HSD17B12: variants seen among roughly 807,000 people sequenced by gnomAD.
The protein encoded by HSD17B12 is very-long-chain 3-oxoacyl-CoA reductase.
Under a neutral mutation model 39.3 loss-of-function variants are expected in HSD17B12, and 32 were observed. The observed-to-expected ratio is 0.81, with a 90% CI of 0.61 to 1.09. The LOEUF (loss-of-function observed/expected upper bound fraction) is 1.09. HSD17B12 is among the 50% of genes least tolerant of loss of function. The probability of loss-of-function intolerance (pLI) is 0.00; values close to 1 mark genes in which losing one functional copy is unlikely to be tolerated. For synonymous variants in HSD17B12, 150 were observed against 146.7 expected (o/e 1.02, Z -0.16); for missense variants, 342 against 382.9 (o/e 0.89, Z 0.89).
the HSD17B12 span, among the ~76,000 whole-genome samples, chr11:43,671,166 T>C: frequency 2.6e-5 from 4 of 152,136 alleles, no homozygotes; most frequent in African/African-American, 9.7e-5. Flanking sequence ...GGTTTTATTT[T>C]ATTTATTTAT....
At chr11:43,816,480 C>T in intron 6 of HSD17B12, 89 bp downstream of exon 6, 1 of 1,148,576 alleles carries the variant, frequency 8.7e-7, no homozygotes, top group Non-Finnish European at 1.2e-6. Flanking sequence ...CCTGAGTCTA[C>T]TCTTGTTTAG....
intron 1 of HSD17B12, among the ~76,000 whole-genome samples, chr11:43,698,688 TA>T (rs2072988734): frequency 6.6e-6 from 1 of 152,232 alleles, no homozygotes; most frequent in African/African-American, 2.4e-5. Flanking sequence ...TTGTCTAAGA[TA>T]TTAAGAGTCT....
the HSD17B12 span, among the ~76,000 whole-genome samples, chr11:43,627,706 T>C: frequency 6.6e-6 from 1 of 152,016 alleles, no homozygotes; most frequent in Non-Finnish European, 1.5e-5. Flanking sequence ...TTTTGCCTCT[T>C]ATAAAAAAAT....
At chr11:43,817,627 T>C (rs1951142969) in intron 6 of HSD17B12, among the ~76,000 whole-genome samples, 1 of 152,166 alleles carries the variant, frequency 6.6e-6, no homozygotes, top group South Asian at 2.1e-4. Context: ...TTTATGTTTT[T>C]GTTTGTTTTA....
chr11:43,703,415 C>T (rs1244194417), intron 1 of HSD17B12, among the ~76,000 whole-genome samples: 1 of 152,048 alleles, frequency 6.6e-6, no homozygotes, highest in Non-Finnish European at 1.5e-5. Flanking sequence ...GGGATGGTCT[C>T]GATCTCCCGA....
At chr11:43,782,049 T>C (rs1298852834) in intron 3 of HSD17B12, among the ~76,000 whole-genome samples, 1 of 152,214 alleles carries the variant, frequency 6.6e-6, no homozygotes, top group East Asian at 1.9e-4. Context: ...TTTGATACAC[T>C]TTCTGGGAAT....
At chr11:43,676,051 G>A (rs1949691451), upstream of HSD17B12, among the ~76,000 whole-genome samples, 1 of 152,100 alleles carries the variant, frequency 6.6e-6, no homozygotes, top group Admixed American at 6.5e-5. Flanking sequence ...GGCGGAGGTT[G>A]TAGTCAACTG....
At chr11:43,577,797 G>A in the HSD17B12 span, among the ~76,000 whole-genome samples, 7 of 152,346 alleles carry the variant, frequency 4.6e-5, no homozygotes, top group African/African-American at 1.4e-4. Flanking sequence ...CCAAGCTAGG[G>A]AACATCGCGG....
At chr11:43,572,772 C>T in the HSD17B12 span, among the ~76,000 whole-genome samples, 1 of 152,142 alleles carries the variant, frequency 6.6e-6, no homozygotes, top group African/African-American at 2.4e-5. Flanking sequence ...AGCTGAAAAA[C>T]TATTGGTTTC....
intron 1 of HSD17B12, among the ~76,000 whole-genome samples, chr11:43,731,186 G>A (rs1048434801): frequency 2.0e-5 from 3 of 152,040 alleles, no homozygotes; most frequent in East Asian, 1.9e-4. Context: ...TAGTTGAGAC[G>A]GGGTTTCACC....
intron 3 of HSD17B12, among the ~76,000 whole-genome samples, chr11:43,770,259 C>G (rs545863538): frequency 2.0e-5 from 3 of 152,202 alleles, no homozygotes; most frequent in African/African-American, 7.2e-5. Context: ...TGAAAATTTA[C>G]AGGATCTGTT....
intron 4 of HSD17B12, among the ~76,000 whole-genome samples, chr11:43,805,663 G>C (rs1273033079): frequency 6.6e-6 from 1 of 152,108 alleles, no homozygotes; most frequent in African/African-American, 2.4e-5. Flanking sequence ...AAAAGGGCAG[G>C]ATATAACTTT....
chr11:43,805,327 A>G (rs1005853370), intron 4 of HSD17B12, among the ~76,000 whole-genome samples: 19 of 152,112 alleles, frequency 1.2e-4, no homozygotes, highest in African/African-American at 4.6e-4. Flanking sequence ...TTCCTTGTCT[A>G]CTTCTTGCTG....
chr11:43,744,365 A>AT (rs1366596288), intron 1 of HSD17B12, among the ~76,000 whole-genome samples: 2 of 152,138 alleles, frequency 1.3e-5, no homozygotes, highest in East Asian at 3.9e-4. Flanking sequence ...ATAAAAAAAA[A>AT]AGCAGGTTAC....
intron 3 of HSD17B12, among the ~76,000 whole-genome samples, chr11:43,775,803 C>A (rs1950697207): frequency 1.3e-5 from 2 of 148,772 alleles, no homozygotes; most frequent in African/African-American, 5.0e-5. Context: ...GTTCCCCTTC[C>A]TGTGTCCATG....
intron 4 of HSD17B12, among the ~76,000 whole-genome samples, chr11:43,807,991 A>T (rs1951035015): frequency 6.6e-6 from 1 of 152,242 alleles, no homozygotes. Flanking sequence ...TTACAGAGTT[A>T]GACATCATCC....
At chr11:43,603,898 G>A in the HSD17B12 span, among the ~76,000 whole-genome samples, 11 of 152,134 alleles carry the variant, frequency 7.2e-5, no homozygotes, top group Non-Finnish European at 1.0e-4. Context: ...ATCCAAATTT[G>A]CTGCTTAAAA....
the HSD17B12 span, among the ~76,000 whole-genome samples, chr11:43,632,555 T>C: frequency 6.6e-6 from 1 of 152,196 alleles, no homozygotes; most frequent in Non-Finnish European, 1.5e-5. Flanking sequence ...CTTTAAAGGA[T>C]TTATTTAGAA....
At chr11:43,577,470 C>G in the HSD17B12 span, among the ~76,000 whole-genome samples, 2 of 152,140 alleles carry the variant, frequency 1.3e-5, no homozygotes. Context: ...CCTGCAGAGG[C>G]CAGGCACTAT....
Sources: gnomAD v4.1 joint callset for allele counts (sites outside exome capture counted in the v4.1 genomes callset) on GRCh38, gnomAD v4.1.1 for gene constraint, MANE v1.5 for transcripts, NCBI Gene and HGNC (gene_info 2026-07-23, HGNC 2026-07-21) for gene names.